FAM117A: variants seen among roughly 807,000 people sequenced by gnomAD.
The protein encoded by FAM117A is protein FAM117A.
Under a neutral mutation model 44.1 loss-of-function variants are expected in FAM117A, and 21 were observed. The observed-to-expected ratio is 0.48, with a 90% CI of 0.34 to 0.69. The LOEUF is 0.69. Ranked by LOEUF, FAM117A falls within the 30% of genes least tolerant of loss-of-function variation. The probability of loss-of-function intolerance (pLI) is 0.01; values close to 1 mark genes in which losing one functional copy is unlikely to be tolerated. For synonymous variants in FAM117A, 220 were observed against 238.3 expected (o/e 0.92, Z 0.71); for missense variants, 498 against 589.9 (o/e 0.84, Z 1.61).
At chr17:49,753,490 AC>A (rs1206827617) in intron 1 of FAM117A, among the ~76,000 whole-genome samples, 1 of 152,190 alleles carries the variant, frequency 6.6e-6, no homozygotes, top group Non-Finnish European at 1.5e-5. Flanking sequence ...CATCAGAAGC[AC>A]CACAGAGCTA....
intron 5 of FAM117A, among the ~76,000 whole-genome samples, chr17:49,718,927 AG>A (rs1323169235): frequency 6.9e-6 from 1 of 145,912 alleles, no homozygotes; most frequent in Non-Finnish European, 1.5e-5. Flanking sequence ...CAGTGAGCCA[AG>A]ATGGCGCCAC....
At chr17:49,787,244 G>C (rs1296397700) in intron 1 of FAM117A, among the ~76,000 whole-genome samples, 1 of 152,190 alleles carries the variant, frequency 6.6e-6, no homozygotes, top group East Asian at 1.9e-4. Flanking sequence ...AGTAATGTAT[G>C]AAATTAAATG....
chr17:49,720,651 G>C (rs1474212578), intron 3 of FAM117A, among the ~76,000 whole-genome samples: 1 of 152,144 alleles, frequency 6.6e-6, no homozygotes, highest in Non-Finnish European at 1.5e-5. Flanking sequence ...AGATGGATTG[G>C]ATTCCAAATA....
upstream of FAM117A, among the ~76,000 whole-genome samples, chr17:49,767,074 G>A (rs911147706): frequency 2.6e-5 from 4 of 152,170 alleles, no homozygotes; most frequent in Non-Finnish European, 4.4e-5. Flanking sequence ...GAGTGAGAAG[G>A]GAGGCATGCA....
chr17:49,773,755 C>CT (rs560824473), intron 1 of FAM117A, among the ~76,000 whole-genome samples: 106 of 145,254 alleles, frequency 7.3e-4, no homozygotes, highest in Admixed American at 6.9e-4. Flanking sequence ...CTTAAGGTAG[C>CT]TTTTTTTTTT....
At chr17:49,735,137 A>C (rs1484336325) in intron 1 of FAM117A, among the ~76,000 whole-genome samples, 1 of 152,214 alleles carries the variant, frequency 6.6e-6, no homozygotes, top group African/African-American at 2.4e-5. Context: ...GCCAGTGAAC[A>C]TAAGCTTTTA....
rs372513960 is a variant in FAM117A, at chr17:49,757,056, C to G, written c.196+6836G>C. Among the ~76,000 whole-genome samples, 6 of 152,170 alleles carry G rather than the reference C, an allele frequency of 3.9e-5. No homozygotes were observed. The East Asian group carries it at 7.7e-4, about 20-fold the overall frequency. ...AAACTCCTCAACCCTTGATCACAGG[C>G]CAGCTGCTTCAGAGCAACCAAAACC... On this transcript the variant is annotated intron_variant, in intron 1 of 7. Transcript: ENST00000240364.
In FAM117A at chr17:49,716,698, C is replaced by T. The variant is rs149504612; in HGVS notation, c.911-383G>A. On this transcript the variant is annotated intron_variant, in intron 6 of 7. Coordinates refer to ENST00000240364, the MANE Select transcript of FAM117A (RefSeq NM_030802.4). ...ACATACCACAGCTTCTTCCTGTCCA[C>T]AGTCTTGAAAATCTATCCTTTCTTC... 5.7e-3 allele frequency among the ~76,000 whole-genome samples: 874 copies of T among 152,336 alleles called. 28 individuals carry two copies. Among genetic ancestry groups the T allele is most frequent in the Admixed American group, 0.051 (775 of 15,308 alleles).
intron 1 of FAM117A, among the ~76,000 whole-genome samples, chr17:49,740,182 A>G (rs1218366458): frequency 6.6e-6 from 1 of 152,138 alleles, no homozygotes; most frequent in Non-Finnish European, 1.5e-5. Flanking sequence ...ACGGCAGATA[A>G]GACAATGAAC....
intron 1 of FAM117A, among the ~76,000 whole-genome samples, chr17:49,749,651 G>C (rs1247346082): frequency 1.4e-5 from 2 of 146,458 alleles, no homozygotes; most frequent in Non-Finnish European, 3.1e-5. Context: ...GTCTAAGGAA[G>C]CACTTTCTCT....
At position 49,788,300 on chromosome 17, in the gene FAM117A, G is replaced by T. The variant is rs866552820; in HGVS notation, c.-621+197C>A. Among the ~76,000 whole-genome samples, 100 of 152,170 alleles carry T rather than the reference G, an allele frequency of 6.6e-4. 2 individuals are homozygous for T. Among genetic ancestry groups the T allele is most frequent in the Non-Finnish European group, 1.2e-3 (80 of 68,018 alleles). Reference sequence around the variant, plus strand: ...TTGAGTTTATATAATAAACGGAAACGTCCTTTAAACAATCAGGCTACGAAG... The same window carrying T: ...TTGAGTTTATATAATAAACGGAAACTTCCTTTAAACAATCAGGCTACGAAG... On this transcript the variant is annotated intron_variant, in intron 1 of 7. Coordinates refer to the FAM117A transcript ENST00000513602.
In FAM117A at chr17:49,717,154, A is replaced by G. The variant is rs2073508336; in HGVS notation, c.910+359T>C. On this transcript the variant is annotated intron_variant, in intron 6 of 7. Transcript: ENST00000240364. The stretch of plus-strand genomic sequence containing the variant: ...ATTCTCTTACTTTGTATCACTCACA[A>G]CCACTTTGAAACCATTGTTGGGAAT... 3.3e-5 allele frequency among the ~76,000 whole-genome samples: 5 copies of G among 152,162 alleles called. No individual in the cohort carries two copies. In the South Asian group the frequency reaches 1.0e-3, roughly 32 times the overall value.
At chr17:49,754,815 G>A (rs1263133086) in intron 1 of FAM117A, among the ~76,000 whole-genome samples, 1 of 151,892 alleles carries the variant, frequency 6.6e-6, no homozygotes, top group Non-Finnish European at 1.5e-5. Flanking sequence ...AAGGCGGGTG[G>A]ATTACCTGAG....
At position 49,735,385 on chromosome 17, in the gene FAM117A, G is replaced by A. The variant is rs141142403; in HGVS notation, c.197-2665C>T. Among the ~76,000 whole-genome samples, 854 of 149,164 alleles carry A rather than the reference G, an allele frequency of 5.7e-3. 7 individuals are homozygous for A. The highest frequency in any genetic ancestry group is 9.9e-3 in the Non-Finnish European group (662 of 67,046). ...AGCCTGGGCAACACAGCAAGACTCCGTCTCAAAAAAAAAAAGACACTAACA... is the reference window on the plus strand; with the variant it reads ...AGCCTGGGCAACACAGCAAGACTCCATCTCAAAAAAAAAAAGACACTAACA... On this transcript the variant is annotated intron_variant, in intron 1 of 7. Transcript: ENST00000240364.
chr17:49,724,800 C>T (rs1436195467), intron 2 of FAM117A, among the ~76,000 whole-genome samples: 3 of 128,838 alleles, frequency 2.3e-5, no homozygotes, highest in African/African-American at 6.0e-5. Flanking sequence ...CAAGCCTGGG[C>T]GACAGAGCAA....
intron 1 of FAM117A, among the ~76,000 whole-genome samples, chr17:49,784,789 TTG>T (rs1265454956): frequency 6.6e-6 from 1 of 152,226 alleles, no homozygotes; most frequent in African/African-American, 2.4e-5. Context: ...CTACAGTGTT[TTG>T]TAAGTGTGTG....
rs1377288678 is a variant in FAM117A at position 49,711,130 on chromosome 17, A to C, written c.*125T>G. 1.6e-5 allele frequency: 15 copies of C among 913,498 alleles called. No homozygotes were observed. The East Asian group carries it at 3.7e-4, about 23-fold the overall frequency. 56.6% of individuals were successfully genotyped at this position (913,498 alleles called of 1,614,324 possible). A position where few individuals can be genotyped will look rare whatever the true frequency, so the allele number is the denominator to read the frequency against. ...GAGGACCCAGGGCTTTGACACAGTA[A>C]GTGAAAGAAAGTGCTCGAAGGCCGA... On this transcript the variant is annotated 3_prime_UTR_variant, in exon 8 of 8. Transcript: ENST00000240364.
intron 1 of FAM117A, among the ~76,000 whole-genome samples, chr17:49,773,868 C>A (rs1256037515): frequency 6.6e-6 from 1 of 152,100 alleles, no homozygotes; most frequent in Non-Finnish European, 1.5e-5. Flanking sequence ...ATTCTCCTGC[C>A]TCAGCCTCCC....
intron 1 of FAM117A, among the ~76,000 whole-genome samples, chr17:49,782,693 A>AC (rs1289013194): frequency 1.8e-5 from 2 of 112,776 alleles, no homozygotes; most frequent in Non-Finnish European, 4.6e-5. Context: ...TTGTCTCAAA[A>AC]AAAAAAAAAA....
Sources: allele counts gnomAD v4.1 joint callset (sites outside exome capture counted in the v4.1 genomes callset), GRCh38; gene constraint gnomAD v4.1.1; transcripts MANE v1.5; gene names NCBI Gene and HGNC (gene_info 2026-07-23, HGNC 2026-07-21).